Variants in CHODL observed in about 807,000 individuals in gnomAD.
CHODL encodes chondrolectin.
CHODL carries 29 observed loss-of-function variants against 34.5 expected under a neutral mutation model. The ratio of observed to expected loss-of-function variants is 0.84; its 90% CI spans 0.63 to 1.15. The LOEUF is 1.15. CHODL is among the 50% of genes most tolerant of loss of function. The pLI, the probability that CHODL is intolerant of heterozygous loss-of-function variation, is 0.00. For missense variants in CHODL, 332 were observed against 332.5 expected, an observed-to-expected ratio of 1.00 and a Z score of 0.01; for synonymous variants, 125 against 116.1, an observed-to-expected ratio of 1.08 and a Z score of -0.49.
At chr21:18,248,817 TTATA>T (rs1000446075) in intron 1 of CHODL, among the ~76,000 whole-genome samples, 23 of 118,498 alleles carry the variant, frequency 1.9e-4, no homozygotes, top group African/African-American at 8.3e-4. Context: ...TGTATGTATA[TTATA>T]TATGTATGTA....
chr21:18,195,027 CATTATTT>C (rs1206951889), intron 2 of CHODL, among the ~76,000 whole-genome samples: 6 of 135,632 alleles, frequency 4.4e-5, no homozygotes, highest in African/African-American at 1.7e-4. Flanking sequence ...TAATACAATA[CATTATTT>C]ATTTATTTAT....
intron 1 of CHODL, among the ~76,000 whole-genome samples, chr21:17,931,893 G>A (rs2063276435): frequency 6.6e-6 from 1 of 152,104 alleles, no homozygotes; most frequent in South Asian, 2.1e-4. Flanking sequence ...TATTGGCCTA[G>A]GCAAAACATT....
At chr21:18,227,420 GT>G (rs1568945189) in intron 2 of CHODL, among the ~76,000 whole-genome samples, 2 of 152,146 alleles carry the variant, frequency 1.3e-5, no homozygotes, top group South Asian at 4.2e-4. Flanking sequence ...TTAAAACATT[GT>G]TTAAACACCT....
At chr21:18,134,613 C>T (rs935576132) in intron 2 of CHODL, among the ~76,000 whole-genome samples, 1 of 152,186 alleles carries the variant, frequency 6.6e-6, no homozygotes, top group African/African-American at 2.4e-5. Flanking sequence ...TCTTTTCAAA[C>T]TGAGTTTAAT....
At chr21:17,935,217 C>G (rs2063309545) in intron 1 of CHODL, among the ~76,000 whole-genome samples, 1 of 152,068 alleles carries the variant, frequency 6.6e-6, no homozygotes, top group Non-Finnish European at 1.5e-5. Flanking sequence ...GTTATAAGGA[C>G]TTTTCATTTA....
chr21:18,135,154 C>T lies in CHODL; in HGVS notation c.-45+107183C>T, dbSNP rs1357049000. The stretch of plus-strand genomic sequence containing the variant: ...CCTATTGAAGTGTAATGGTGCCAAT[C>T]CTGATTACAGTCTTTTATTATTATA... On this transcript the variant is annotated intron_variant, in intron 2 of 6. Transcript: ENST00000400127. Among the ~76,000 whole-genome samples the T allele has an allele frequency of 3.3e-5, 5 of 152,170 alleles. 1 individual carries two copies. The highest frequency in any genetic ancestry group is 5.9e-5 in the Non-Finnish European group (4 of 68,032).
At chr21:18,038,217 G>T (rs1284860089) in intron 2 of CHODL, among the ~76,000 whole-genome samples, 1 of 151,644 alleles carries the variant, frequency 6.6e-6, no homozygotes, top group Non-Finnish European at 1.5e-5. Flanking sequence ...AATTTGAAAT[G>T]CTAAATTGTG....
chr21:17,978,196 G>C (rs1457416887), intron 1 of CHODL, among the ~76,000 whole-genome samples: 1 of 152,112 alleles, frequency 6.6e-6, no homozygotes, highest in Non-Finnish European at 1.5e-5. Context: ...GGCTGAGGCA[G>C]GTGCATTACG....
chr21:18,186,621 A>C (rs1388486133), intron 2 of CHODL, among the ~76,000 whole-genome samples: 1 of 152,174 alleles, frequency 6.6e-6, no homozygotes, highest in Non-Finnish European at 1.5e-5. Context: ...TTTACATTTC[A>C]CTTGGTTACC....
chr21:17,974,740 G>C (rs2063647155), intron 1 of CHODL, among the ~76,000 whole-genome samples: 1 of 151,622 alleles, frequency 6.6e-6, no homozygotes, highest in African/African-American at 2.4e-5. Context: ...AATTATTTTA[G>C]TTAAACAGTA....
In CHODL at chr21:18,171,198, G is replaced by GTTCTTTTTTTTTTTTTT. The variant is rs1333481522; in HGVS notation, c.-44-85309_-44-85308insCTTTTTTTTTTTTTTTT. On this transcript the variant is annotated intron_variant, in intron 2 of 6. Transcript: ENST00000400127. ...TGTTCTTCAGACATGGTTTTCTTTA[G>GTTCTTTTTTTTTTTTTT]TTTTTTTTTTTTTTTTTTTGAGACG... Among the ~76,000 whole-genome samples, 158 of 37,066 alleles carry GTTCTTTTTTTTTTTTTT rather than the reference G, an allele frequency of 4.3e-3. 68 individuals are homozygous for GTTCTTTTTTTTTTTTTT. The highest frequency in any genetic ancestry group is 0.01 in the African/African-American group (70 of 6,942). The allele number at this position is 37,066 out of a possible 152,430, so 24.3% of individuals were successfully genotyped here.
intron 2 of CHODL, among the ~76,000 whole-genome samples, chr21:18,238,741 C>T (rs889100948): frequency 1.3e-5 from 2 of 152,142 alleles, no homozygotes; most frequent in Non-Finnish European, 2.9e-5. Context: ...AAATGAGTCT[C>T]AGCACAGACG....
intron 1 of CHODL, among the ~76,000 whole-genome samples, chr21:18,023,677 A>G (rs1022441111): frequency 6.6e-6 from 1 of 152,082 alleles, no homozygotes; most frequent in Non-Finnish European, 1.5e-5. Flanking sequence ...CCCTTAACCA[A>G]TTACATTGGT....
intron 1 of CHODL, among the ~76,000 whole-genome samples, chr21:18,248,620 A>G (rs1052854828): frequency 5.8e-5 from 7 of 120,158 alleles, no homozygotes; most frequent in Non-Finnish European, 9.8e-5. Context: ...TAATACATAT[A>G]TAATATATAT....
intron 1 of CHODL, among the ~76,000 whole-genome samples, chr21:18,010,311 A>AAG (rs2064005790): frequency 1.3e-5 from 2 of 148,412 alleles, no homozygotes; most frequent in Non-Finnish European, 3.0e-5. Flanking sequence ...AAAAAAAAAA[A>AAG]AAAAAAAAAA....
intron 2 of CHODL, among the ~76,000 whole-genome samples, chr21:18,119,265 T>C (rs1488026841): frequency 6.6e-6 from 1 of 151,792 alleles, no homozygotes; most frequent in Non-Finnish European, 1.5e-5. Context: ...TCCGCTGATC[T>C]AGTATCTGTT....
At chr21:18,200,423 G>A (rs190730086) in intron 2 of CHODL, among the ~76,000 whole-genome samples, 10 of 152,192 alleles carry the variant, frequency 6.6e-5, no homozygotes, top group African/African-American at 2.4e-4. Flanking sequence ...CTTTCACAAG[G>A]AAAGTACTTT....
Position 18,041,970 on chromosome 21 carries a change from T to A in CHODL, c.-45+13999T>A, listed in dbSNP as rs953306066. On this transcript the variant is annotated intron_variant, in intron 2 of 6. Coordinates refer to the CHODL transcript ENST00000400127. ...ATATGGGAAGCTGAATATATTTTTT[T>A]TAATTTTTAGGTAGAATTTGGAGAG... 7.2e-5 allele frequency among the ~76,000 whole-genome samples: 11 copies of A among 152,030 alleles called. 2 individuals carry two copies. The highest frequency in any genetic ancestry group is 3.4e-3 in the Middle Eastern group (1 of 294).
intron 2 of CHODL, among the ~76,000 whole-genome samples, chr21:18,130,724 C>G (rs998882186): frequency 1.3e-5 from 2 of 151,638 alleles, no homozygotes; most frequent in Non-Finnish European, 2.9e-5. Flanking sequence ...AGGATATTAC[C>G]CCCAAATTTT....
Sources: gnomAD v4.1 joint callset for allele counts (sites outside exome capture counted in the v4.1 genomes callset) on GRCh38, gnomAD v4.1.1 for gene constraint, MANE v1.5 for transcripts, NCBI Gene and HGNC (gene_info 2026-07-23, HGNC 2026-07-21) for gene names.